SORCS3: variants seen among roughly 807,000 people sequenced by gnomAD.
SORCS3 encodes the protein sortilin related VPS10 domain containing receptor 3, also known as VPS10 domain-containing receptor SorCS3.
Under a neutral mutation model 146.3 loss-of-function variants are expected in SORCS3, and 57 were observed. The ratio of observed to expected loss-of-function variants is 0.39; its 90% CI spans 0.31 to 0.49. SORCS3 has a LOEUF of 0.49. Ranked by LOEUF, SORCS3 falls within the 20% of genes least tolerant of loss-of-function variation. The pLI, the probability that SORCS3 is intolerant of heterozygous loss-of-function variation, is 0.92. For missense variants in SORCS3, 1,341 were observed against 1,575.5 expected (o/e 0.85, Z 2.52); for synonymous variants, 653 against 618.5 (o/e 1.06, Z -0.83).
At chr10:105,231,845 A>T (rs2056767583) in intron 20 of SORCS3, among the ~76,000 whole-genome samples, 1 of 152,130 alleles carries the variant, frequency 6.6e-6, no homozygotes, top group African/African-American at 2.4e-5. Flanking sequence ...CAGCCTTGGG[A>T]TAAATTCTCA....
At chr10:104,752,145 C>A (rs2016995887) in intron 1 of SORCS3, among the ~76,000 whole-genome samples, 1 of 151,124 alleles carries the variant, frequency 6.6e-6, no homozygotes, top group South Asian at 2.1e-4. Context: ...AGTGATTCTC[C>A]TGCCTCAGCC....
chr10:104,809,484 T>G lies in SORCS3; in HGVS notation c.628-33308T>G, dbSNP rs190440856. Among the ~76,000 whole-genome samples, 605 of 152,294 alleles carry G rather than the reference T, an allele frequency of 4.0e-3. 7 individuals carry two copies. Among genetic ancestry groups the G allele is most frequent in the African/African-American group, 0.013 (555 of 41,558 alleles). On this transcript the variant is annotated intron_variant, in intron 1 of 26. Transcript: ENST00000369701. ...ATGCAATGTCTCTGGAGACCTGGAC[T>G]CAGAACTGTAACACCATTGTTTCTG... is the stretch of plus-strand genomic sequence containing the variant.
At chr10:104,800,174 T>C (rs766792745) in intron 1 of SORCS3, among the ~76,000 whole-genome samples, 32 of 152,166 alleles carry the variant, frequency 2.1e-4, no homozygotes, top group Non-Finnish European at 4.1e-4. Flanking sequence ...TGAAAATATA[T>C]GTAGAAACTT....
intron 1 of SORCS3, among the ~76,000 whole-genome samples, chr10:104,716,597 A>G (rs909225589): frequency 6.6e-6 from 1 of 152,164 alleles, no homozygotes; most frequent in Non-Finnish European, 1.5e-5. Flanking sequence ...ATGAATGAGA[A>G]TAAGAATTGA....
rs922914420 is a variant in SORCS3, at chr10:105,111,993, G to A, written c.1212+6478G>A. Among the ~76,000 whole-genome samples, 3 of 152,332 alleles carry A rather than the reference G, an allele frequency of 2.0e-5. No individual in the cohort carries two copies. In the East Asian group the frequency reaches 5.8e-4, roughly 29 times the overall value. On this transcript the variant is annotated intron_variant, in intron 7 of 26. Coordinates refer to ENST00000369701, the MANE Select transcript of SORCS3 (RefSeq NM_014978.3). ...AGGGAGTGGAGTGGTAGAAAAAGAA[G>A]TTGGAAAATTGAACTGAACATTTTC...
chr10:104,944,787 C>T (rs11192242), intron 3 of SORCS3, among the ~76,000 whole-genome samples: 32,801 of 152,104 alleles, frequency 0.22, 4,011 homozygotes, highest in African/African-American at 0.34. Context: ...AGAAAACCGG[C>T]AGTGTCTCCT....
chr10:104,696,039 TAATA>T (rs1414156011), intron 1 of SORCS3, among the ~76,000 whole-genome samples: 39 of 133,198 alleles, frequency 2.9e-4, no homozygotes, highest in African/African-American at 7.9e-4. Flanking sequence ...ATATAATATA[TAATA>T]TATATCATAT....
At chr10:105,021,275 G>A (rs2055196110) in intron 4 of SORCS3, among the ~76,000 whole-genome samples, 1 of 152,302 alleles carries the variant, frequency 6.6e-6, no homozygotes, top group African/African-American at 2.4e-5. Context: ...GAAGGGCAAA[G>A]AGAGGGCAAG....
At chr10:104,819,080 GC>G (rs2017842325) in intron 1 of SORCS3, among the ~76,000 whole-genome samples, 1 of 152,126 alleles carries the variant, frequency 6.6e-6, no homozygotes, top group Admixed American at 6.5e-5. Flanking sequence ...TGGAGAAAAG[GC>G]CAGGGGGGTG....
At chr10:104,996,705 A>C (rs1311523254) in intron 4 of SORCS3, among the ~76,000 whole-genome samples, 1 of 152,184 alleles carries the variant, frequency 6.6e-6, no homozygotes, top group Non-Finnish European at 1.5e-5. Flanking sequence ...TTTAATCTGG[A>C]AAATGGTACT....
intron 2 of SORCS3, among the ~76,000 whole-genome samples, chr10:104,881,960 G>A (rs914702213): frequency 1.3e-5 from 2 of 152,108 alleles, no homozygotes. Context: ...TTCAGCAGTT[G>A]GTAAGCATCC....
At chr10:104,759,597 C>A (rs954766675) in intron 1 of SORCS3, among the ~76,000 whole-genome samples, 2 of 152,114 alleles carry the variant, frequency 1.3e-5, no homozygotes, top group East Asian at 3.9e-4. Context: ...ATCTGGAATA[C>A]CCTCTGACTT....
At position 105,250,485 on chromosome 10, in the gene SORCS3, G is replaced by T. The variant is rs571660493; in HGVS notation, c.3106-2290G>T. On this transcript the variant is annotated intron_variant, in intron 22 of 26. Coordinates refer to ENST00000369701, the MANE Select transcript of SORCS3 (RefSeq NM_014978.3). ...GACCAATCACTCGTATGTCCCTTTG[G>T]ATGGGTTAAATGAATCTGTATACAC... is the stretch of plus-strand genomic sequence containing the variant. Among the ~76,000 whole-genome samples the T allele has an allele frequency of 3.3e-5, 5 of 152,252 alleles. No individual in the cohort carries two copies. In the South Asian group the frequency reaches 1.0e-3, roughly 32 times the overall value.
At chr10:104,930,771 T>A (rs1439367070) in intron 3 of SORCS3, among the ~76,000 whole-genome samples, 2 of 152,200 alleles carry the variant, frequency 1.3e-5, no homozygotes, top group African/African-American at 4.8e-5. Context: ...TCACTCTACC[T>A]CTTAGCAGCT....
chr10:104,646,680 T>A (rs916540965), intron 1 of SORCS3, among the ~76,000 whole-genome samples: 1 of 152,166 alleles, frequency 6.6e-6, no homozygotes, highest in Non-Finnish European at 1.5e-5. Flanking sequence ...GCCTCTTGGC[T>A]GGTTTGAGAC....
At chr10:105,015,530 A>T (rs2055159743) in intron 4 of SORCS3, among the ~76,000 whole-genome samples, 1 of 152,190 alleles carries the variant, frequency 6.6e-6, no homozygotes, top group African/African-American at 2.4e-5. Flanking sequence ...ATACAGGATG[A>T]TGCCATTTTC....
intron 5 of SORCS3, among the ~76,000 whole-genome samples, chr10:105,073,428 T>A (rs2055570121): frequency 6.6e-6 from 1 of 152,146 alleles, no homozygotes; most frequent in Admixed American, 6.5e-5. Flanking sequence ...ACGTAGAGGA[T>A]CTAACTGATT....
intron 3 of SORCS3, among the ~76,000 whole-genome samples, 195 bp from the exon 4 acceptor site, chr10:104,977,140 C>T (rs1341364604): frequency 6.6e-6 from 1 of 151,976 alleles, no homozygotes; most frequent in Non-Finnish European, 1.5e-5. Flanking sequence ...TAGCCTTGCC[C>T]CCTATTTTTA....
intron 1 of SORCS3, among the ~76,000 whole-genome samples, chr10:104,810,000 G>T (rs539509734): frequency 6.6e-6 from 1 of 152,302 alleles, no homozygotes; most frequent in Non-Finnish European, 1.5e-5. Flanking sequence ...TGCATGAAAT[G>T]TGTCACCCAC....
Sources: gnomAD v4.1 joint callset for allele counts (sites outside exome capture counted in the v4.1 genomes callset) on GRCh38, gnomAD v4.1.1 for gene constraint, MANE v1.5 for transcripts, NCBI Gene and HGNC (gene_info 2026-07-23, HGNC 2026-07-21) for gene names.